The following BIRC6 variants were observed in gnomAD, a reference collection of about 807,000 sequenced individuals.
BIRC6 encodes dual E2 ubiquitin-conjugating enzyme/E3 ubiquitin-protein ligase BIRC6.
BIRC6 carries 98 observed loss-of-function variants against 503.3 expected under a neutral mutation model. That is an observed-to-expected ratio of 0.19 (90% CI 0.17 to 0.23). The LOEUF (loss-of-function observed/expected upper bound fraction) is 0.23, where lower values mean the gene tolerates loss of function less well. BIRC6 is among the 10% of genes least tolerant of loss of function. The pLI is 1.00. For synonymous variants in BIRC6, 2,240 were observed against 2,078.7 expected, an observed-to-expected ratio of 1.08 and a Z score of -2.11; for missense variants, 5,360 against 5,806.0, an observed-to-expected ratio of 0.92 and a Z score of 2.50.
intron 66 of BIRC6, 141 bp downstream of exon 66, chr2:32,575,507 G>A: frequency 2.7e-6 from 2 of 729,264 alleles, no homozygotes; most frequent in South Asian, 1.8e-5. Flanking sequence ...GCTCACACCT[G>A]TAATCCCAGC....
At chr2:32,496,235 T>A (rs2052454815) in intron 45 of BIRC6, among the ~76,000 whole-genome samples, 3 of 149,752 alleles carry the variant, frequency 2.0e-5, no homozygotes, top group Non-Finnish European at 4.5e-5. Flanking sequence ...TTCATACACT[T>A]TTTTTTTTTT....
intron 65 of BIRC6, among the ~76,000 whole-genome samples, chr2:32,555,913 T>TC (rs1199221189): frequency 2.4e-5 from 2 of 84,254 alleles, no homozygotes; most frequent in Non-Finnish European, 4.6e-5. Context: ...AGACCCTATC[T>TC]CAAAAAAAAA....
chr2:32,406,850 T>C (rs192965199), intron 9 of BIRC6, among the ~76,000 whole-genome samples: 12 of 152,354 alleles, frequency 7.9e-5, no homozygotes, highest in African/African-American at 2.9e-4. Flanking sequence ...TTGTATAATG[T>C]ATTCTGTTAA....
At chr2:32,549,550 G>T in intron 65 of BIRC6, 69 bp downstream of exon 65, 1 of 1,215,274 alleles carries the variant, frequency 8.2e-7, no homozygotes, top group Non-Finnish European at 1.1e-6. Context: ...TTGTCTAATA[G>T]TAAGTTTCAG....
At chr2:32,453,979 C>G (rs779940977) in intron 23 of BIRC6, 37 bp downstream of exon 23, 2 of 1,496,192 alleles carry the variant, frequency 1.3e-6, no homozygotes, top group Admixed American at 3.8e-5. Flanking sequence ...TTATTATATA[C>G]TTTATGCAGT....
chr2:32,544,193 A>C (rs1227093318), intron 62 of BIRC6, among the ~76,000 whole-genome samples: 1 of 152,216 alleles, frequency 6.6e-6, no homozygotes, highest in Non-Finnish European at 1.5e-5. Context: ...AAAACTTTAG[A>C]TTTTATTTTG....
intron 70 of BIRC6, chr2:32,602,652 A>T (rs2062143274): frequency 5.3e-6 from 1 of 188,880 alleles, no homozygotes; most frequent in Non-Finnish European, 1.1e-5. Flanking sequence ...ATCATTACAC[A>T]TTGTATACAC....
chr2:32,416,283 A>G (rs2042365044), intron 10 of BIRC6, 120 bp downstream of exon 10: 2 of 1,039,826 alleles, frequency 1.9e-6, no homozygotes, highest in Admixed American at 2.7e-5. Context: ...ATTTTTTTGT[A>G]ATGAAGTGGT....
intron 66 of BIRC6, among the ~76,000 whole-genome samples, chr2:32,589,310 T>C (rs2061261049): frequency 6.6e-6 from 1 of 152,218 alleles, no homozygotes; most frequent in South Asian, 2.1e-4. Flanking sequence ...TTCTTCCTAA[T>C]GGAAAGTTGT....
At chr2:32,502,126 T>C (rs982549081) in intron 47 of BIRC6, among the ~76,000 whole-genome samples, 1 of 152,194 alleles carries the variant, frequency 6.6e-6, no homozygotes, top group Non-Finnish European at 1.5e-5. Flanking sequence ...TCCTGAGTTT[T>C]AGATTTTTTA....
chr2:32,392,067 C>T lies in BIRC6; in HGVS notation c.868C>T (p.Arg290Trp), dbSNP rs779906155. 6.3e-6 allele frequency: 10 copies of T among 1,591,602 alleles called. No individual in the cohort carries two copies. The highest frequency in any genetic ancestry group is 2.3e-5 in the East Asian group (1 of 44,270). ...RSLMYSEANR[R>W]ETFTSWPHVG... ...ACTGATGTATAGTGAAGCTAACAGA[C>T]GGGAGACATTTACCTCATGGCCTCA... Residue 290 changes from arginine (R) to tryptophan (W), a missense_variant, in exon 5 of 74, where the codon CGG becomes TGG. Arg to Trp is a moderately radical substitution (Grantham distance 101, BLOSUM62 -3). Transcript: ENST00000421745.
intron 3 of BIRC6, among the ~76,000 whole-genome samples, chr2:32,384,625 A>C (rs2038180881): frequency 6.6e-6 from 1 of 152,188 alleles, no homozygotes; most frequent in South Asian, 2.1e-4. Context: ...TCCCCCTGGG[A>C]AATGACGTGA....
chr2:32,514,858 C>A (rs1257106637), intron 54 of BIRC6, 132 bp from the exon 55 acceptor site: 2 of 680,176 alleles, frequency 2.9e-6, no homozygotes, highest in Non-Finnish European at 4.8e-6. Context: ...TTAAATCTTA[C>A]AATGTTTTAT....
intron 37 of BIRC6, among the ~76,000 whole-genome samples, chr2:32,480,917 G>A (rs2050327949): frequency 6.6e-6 from 1 of 152,116 alleles, no homozygotes; most frequent in African/African-American, 2.4e-5. Context: ...TGGGATTACA[G>A]GTGGGAGCCA....
intron 45 of BIRC6, among the ~76,000 whole-genome samples, chr2:32,494,697 T>A (rs1572610582): frequency 6.7e-6 from 1 of 149,100 alleles, no homozygotes; most frequent in African/African-American, 2.5e-5. Context: ...AGCCCAGGAG[T>A]TTGAGAGTAG....
intron 1 of BIRC6, among the ~76,000 whole-genome samples, chr2:32,366,490 A>G (rs1248404368): frequency 6.6e-6 from 1 of 152,162 alleles, no homozygotes; most frequent in African/African-American, 2.4e-5. Flanking sequence ...CTCTAGTTGT[A>G]ACTATACTTA....
chr2:32,477,262 TTTA>T, intron 34 of BIRC6, 103 bp from the exon 35 acceptor site: 1 of 1,215,260 alleles, frequency 8.2e-7, no homozygotes, highest in Non-Finnish European at 1.1e-6. Flanking sequence ...AATTTTGCTC[TTTA>T]GAAGTTGTAA....
rs374440229 is a variant in BIRC6 at position 32,469,632 on chromosome 2, G to T, written c.6347+18G>T. ...CAGGATAGGTAGGTCAGAAAATGTT[G>T]GAGGTATTTGTTATTAATGATGTGT... On this transcript the variant is annotated intron_variant, in intron 30 of 73. Coordinates refer to ENST00000421745, the MANE Select transcript of BIRC6 (RefSeq NM_016252.4). The T allele has an allele frequency of 1.3e-6, 2 of 1,574,348 alleles. No individual in the cohort carries two copies. The highest frequency in any genetic ancestry group is 8.7e-7 in the Non-Finnish European group (1 of 1,152,780).
In BIRC6 at chr2:32,575,331, G is replaced by A; in HGVS notation, c.13320G>A (p.Met4440Ile). 6.2e-7 allele frequency: 1 copy of A among 1,614,008 alleles called. No homozygotes were observed. ...QTSVGTLLAK[M>I]KTCVDTYTNR... ...CTGTTGGTACATTGTTAGCCAAAAT[G>A]AAGACCTGTGTTGATACCTATACCA... Residue 4440 changes from methionine to isoleucine, a missense_variant, in exon 66 of 74, where the codon ATG becomes ATA. Met to Ile is a conservative substitution (Grantham distance 10, BLOSUM62 1). This residue lies in a region of BIRC6 where 477 missense variants were observed against 574.4 expected (regional missense o/e 0.83). Transcript: ENST00000421745.
Sources: allele counts gnomAD v4.1 joint callset (sites outside exome capture counted in the v4.1 genomes callset), GRCh38; gene constraint gnomAD v4.1.1; regional missense constraint gnomAD v4.1.1; transcripts MANE v1.5; gene names NCBI Gene and HGNC (gene_info 2026-07-23, HGNC 2026-07-21).